Variants in ANTXR2 observed in about 807,000 individuals in gnomAD.
ANTXR2 encodes the protein anthrax toxin receptor 2.
A neutral mutation model predicts 73.7 loss-of-function variants in ANTXR2; 44 were observed. That is an observed-to-expected ratio of 0.60 (90% CI 0.47 to 0.77). The LOEUF (loss-of-function observed/expected upper bound fraction) is 0.77. ANTXR2 is among the 30% of genes least tolerant of loss of function. The pLI, the probability that ANTXR2 is intolerant of heterozygous loss-of-function variation, is 0.00. For synonymous variants in ANTXR2, 217 were observed against 205.9 expected, an observed-to-expected ratio of 1.05 and a Z score of -0.46; for missense variants, 604 against 592.5, an observed-to-expected ratio of 1.02 and a Z score of -0.20.
chr4:80,003,448 T>C (rs1431856417), intron 12 of ANTXR2, among the ~76,000 whole-genome samples: 18 of 149,914 alleles, frequency 1.2e-4, no homozygotes, highest in Admixed American at 1.2e-3. Flanking sequence ...CTTTAGGAGA[T>C]ATACCTAATG....
chr4:79,966,687 T>A (rs1729378487), intron 16 of ANTXR2, among the ~76,000 whole-genome samples: 1 of 152,158 alleles, frequency 6.6e-6, no homozygotes, highest in East Asian at 1.9e-4. Flanking sequence ...ACAGATTATA[T>A]CACTGCCCCA....
chr4:80,013,202 C>T (rs1731682024), intron 11 of ANTXR2, among the ~76,000 whole-genome samples: 1 of 152,214 alleles, frequency 6.6e-6, no homozygotes. Context: ...TCCTCAGACT[C>T]TAATCTTAAA....
At chr4:79,931,002 T>A (rs902856696) in intron 16 of ANTXR2, among the ~76,000 whole-genome samples, 1 of 152,228 alleles carries the variant, frequency 6.6e-6, no homozygotes, top group African/African-American at 2.4e-5. Flanking sequence ...CCTGATTATA[T>A]GTTGAATATA....
intron 12 of ANTXR2, among the ~76,000 whole-genome samples, chr4:79,998,740 C>T (rs1730860251): frequency 1.3e-5 from 2 of 152,080 alleles, no homozygotes; most frequent in South Asian, 4.1e-4. Context: ...AGGAAGGATA[C>T]TCAATGAACA....
At chr4:79,944,348 T>C (rs1728436101) in intron 16 of ANTXR2, among the ~76,000 whole-genome samples, 1 of 118,282 alleles carries the variant, frequency 8.5e-6, no homozygotes, top group South Asian at 3.3e-4. Context: ...GACTAAAATA[T>C]TGTATTATAT....
At chr4:80,019,041 T>C in intron 10 of ANTXR2, 65 bp from the exon 11 acceptor site, 1 of 1,115,970 alleles carries the variant, frequency 9.0e-7, no homozygotes, top group Non-Finnish European at 1.2e-6. Context: ...AGATTTTTAT[T>C]TCCTTATGTA....
intron 16 of ANTXR2, among the ~76,000 whole-genome samples, chr4:79,971,798 C>T (rs1403804258): frequency 2.1e-5 from 1 of 48,462 alleles, no homozygotes; most frequent in Non-Finnish European, 3.9e-5. Flanking sequence ...AAACGTTAAA[C>T]CTAAAACCAT....
Position 80,025,835 on chromosome 4 carries a change from TAGATA to T in ANTXR2, c.866+5783_866+5787del, listed in dbSNP as rs149495939. ...TTTTAGCATATCTCAATATGTGTAA[TAGATA>T]AAACAAAAATTGCAGTTAGCAAGAT... On this transcript the variant is annotated intron_variant, in intron 10 of 16. Transcript: ENST00000403729. Among the ~76,000 whole-genome samples the T allele has an allele frequency of 7.7e-3, 1,178 of 152,316 alleles. 17 individuals are homozygous for T. Among genetic ancestry groups the T allele is most frequent in the African/African-American group, 0.027 (1,141 of 41,566 alleles).
intron 7 of ANTXR2, among the ~76,000 whole-genome samples, chr4:80,048,262 T>C (rs1453863825): frequency 6.8e-6 from 1 of 147,156 alleles, no homozygotes; most frequent in Non-Finnish European, 1.5e-5. Flanking sequence ...AGATTAAGCA[T>C]TAGGTAAAAA....
Position 79,955,261 on chromosome 4 carries a change from T to C in ANTXR2, c.1428+22360A>G, listed in dbSNP as rs558471483. 5.3e-5 allele frequency among the ~76,000 whole-genome samples: 8 copies of C among 152,274 alleles called. No homozygotes were observed. The South Asian group carries it at 1.7e-3, about 32-fold the overall frequency. The stretch of plus-strand genomic sequence containing the variant: ...AAATCTGTATTTCCCTTACTCTCTT[T>C]CATATGCAGTTATTTTCAAATTATT... On this transcript the variant is annotated intron_variant, in intron 16 of 16. Transcript: ENST00000403729.
At chr4:80,024,755 C>T (rs989483901) in intron 10 of ANTXR2, 5 of 421,088 alleles carry the variant, frequency 1.2e-5, no homozygotes, top group Non-Finnish European at 1.9e-5. Context: ...TGAGACCCCA[C>T]CTCAAAAAGA....
intron 12 of ANTXR2, among the ~76,000 whole-genome samples, chr4:80,001,652 T>TA (rs986075210): frequency 1.3e-5 from 2 of 150,322 alleles, no homozygotes; most frequent in Admixed American, 1.3e-4. Flanking sequence ...AGTGGGGTGT[T>TA]AAAGTCTCCC....
intron 3 of ANTXR2, among the ~76,000 whole-genome samples, chr4:80,067,167 T>C (rs1000353774): frequency 2.0e-5 from 3 of 151,158 alleles, no homozygotes; most frequent in East Asian, 3.9e-4. Context: ...GATCATGCCA[T>C]TGCACTCCAG....
intron 3 of ANTXR2, among the ~76,000 whole-genome samples, chr4:80,066,591 A>G (rs1467406509): frequency 6.6e-6 from 1 of 152,236 alleles, no homozygotes; most frequent in Non-Finnish European, 1.5e-5. Flanking sequence ...TCATTAAAAT[A>G]CTGTATACTG....
At chr4:79,936,081 G>T (rs1728247006) in intron 16 of ANTXR2, among the ~76,000 whole-genome samples, 1 of 152,120 alleles carries the variant, frequency 6.6e-6, no homozygotes, top group African/African-American at 2.4e-5. Flanking sequence ...ACAACCTCTA[G>T]CCAGGAGTCA....
intron 12 of ANTXR2, among the ~76,000 whole-genome samples, chr4:80,003,980 A>AT (rs1273493668): frequency 2.6e-5 from 4 of 152,240 alleles, no homozygotes; most frequent in African/African-American, 9.6e-5. Flanking sequence ...AGCTTTATTC[A>AT]TAATAGGGAA....
At chr4:79,962,295 C>T (rs1393940380) in intron 16 of ANTXR2, among the ~76,000 whole-genome samples, 1 of 151,472 alleles carries the variant, frequency 6.6e-6, no homozygotes, top group African/African-American at 2.4e-5. Flanking sequence ...TATATACACA[C>T]TCTCCTAAAA....
intron 16 of ANTXR2, among the ~76,000 whole-genome samples, chr4:79,915,221 T>C (rs1037221711): frequency 3.9e-5 from 6 of 152,136 alleles, no homozygotes; most frequent in African/African-American, 1.4e-4. Context: ...GGTGAAAATA[T>C]GACAACAGTA....
intron 12 of ANTXR2, among the ~76,000 whole-genome samples, chr4:80,001,337 C>T (rs1304172764): frequency 8.0e-6 from 1 of 125,576 alleles, no homozygotes; most frequent in Non-Finnish European, 1.6e-5. Context: ...CCACAACAGT[C>T]CCCAGAGTGT....
Sources: gnomAD v4.1 joint callset for allele counts (sites outside exome capture counted in the v4.1 genomes callset) on GRCh38, gnomAD v4.1.1 for gene constraint, MANE v1.5 for transcripts, NCBI Gene and HGNC (gene_info 2026-07-23, HGNC 2026-07-21) for gene names.